Variants in GALNT11 observed in about 807,000 individuals in gnomAD.
GALNT11 encodes the protein polypeptide N-acetylgalactosaminyltransferase 11.
GALNT11 carries 47 observed loss-of-function variants against 72.7 expected under a neutral mutation model. That is an observed-to-expected ratio of 0.65 (90% CI 0.51 to 0.82). The LOEUF is 0.82. Among genes scored for constraint, GALNT11 ranks in the 40% least tolerant of loss-of-function variants. The pLI is 0.00. For missense variants in GALNT11, 677 were observed against 778.4 expected (o/e 0.87, Z 1.55); for synonymous variants, 270 against 286.6 (o/e 0.94, Z 0.58).
intron 11 of GALNT11, 59 bp from the exon 12 acceptor site, chr7:152,121,487 T>C: frequency 6.4e-7 from 1 of 1,574,466 alleles, no homozygotes; most frequent in Non-Finnish European, 8.6e-7. Flanking sequence ...ATCTCTCCTC[T>C]GGATTTCCAT....
chr7:152,060,482 T>TTA (rs1554421068), intron 1 of GALNT11, among the ~76,000 whole-genome samples: 8 of 151,938 alleles, frequency 5.3e-5, no homozygotes, highest in East Asian at 1.9e-4. Context: ...GTTTTTTTTT[T>TTA]TATATATATA....
At chr7:152,042,012 A>ATC (rs2082884283) in intron 1 of GALNT11, among the ~76,000 whole-genome samples, 1 of 152,238 alleles carries the variant, frequency 6.6e-6, no homozygotes, top group South Asian at 2.1e-4. Flanking sequence ...CACAAAGTAT[A>ATC]TCATGCATAT....
At chr7:152,105,724 A>T (rs181164798) in intron 5 of GALNT11, among the ~76,000 whole-genome samples, 1 of 152,384 alleles carries the variant, frequency 6.6e-6, no homozygotes, top group East Asian at 1.9e-4. Context: ...TACAAAATTT[A>T]AAATGTATGA....
chr7:152,110,413 C>T (rs1032692940), intron 6 of GALNT11, 115 bp from the exon 7 acceptor site: 7 of 791,382 alleles, frequency 8.8e-6, no homozygotes, highest in Non-Finnish European at 1.5e-5. Flanking sequence ...GATTCATAAT[C>T]ATTAATTCAA....
At chr7:152,039,882 G>C (rs2082768169) in intron 1 of GALNT11, among the ~76,000 whole-genome samples, 1 of 152,122 alleles carries the variant, frequency 6.6e-6, no homozygotes, top group Non-Finnish European at 1.5e-5. Context: ...GATTTCTGTA[G>C]ATGCTGTTCA....
intron 2 of GALNT11, among the ~76,000 whole-genome samples, chr7:152,095,249 C>G (rs1036187858): frequency 6.6e-6 from 1 of 151,934 alleles, no homozygotes; most frequent in Non-Finnish European, 1.5e-5. Context: ...ATTGTCTATG[C>G]CTTTGAATAC....
At chr7:152,085,106 C>T (rs962686865) in intron 1 of GALNT11, among the ~76,000 whole-genome samples, 2 of 152,202 alleles carry the variant, frequency 1.3e-5, no homozygotes, top group African/African-American at 4.8e-5. Context: ...TCCACATCCT[C>T]ACATCTCTGT....
At chr7:152,100,670 T>G in intron 2 of GALNT11, 128 bp from the exon 3 acceptor site, 2 of 1,191,966 alleles carry the variant, frequency 1.7e-6, no homozygotes, top group Non-Finnish European at 2.3e-6. Flanking sequence ...AGAGACAACC[T>G]AAGTTTGAGA....
At chr7:152,055,662 A>G (rs546895113) in intron 1 of GALNT11, among the ~76,000 whole-genome samples, 3 of 152,076 alleles carry the variant, frequency 2.0e-5, no homozygotes, top group Admixed American at 6.6e-5. Context: ...CTCAAAAACT[A>G]GAATTGGTGC....
Position 152,070,003 on chromosome 7 carries a change from C to CT in GALNT11, c.-38-24176dup, listed in dbSNP as rs71198756. 2.6e-3 allele frequency among the ~76,000 whole-genome samples: 367 copies of CT among 141,606 alleles called. 4 individuals carry two copies. The highest frequency in any genetic ancestry group is 6.7e-3 in the African/African-American group (255 of 38,056). 92.9% of individuals were successfully genotyped at this position (141,606 alleles called of 152,430 possible). On this transcript the variant is annotated intron_variant, in intron 1 of 11. Transcript: ENST00000430044. ...TTTTTTCTTTTTTCTTTTTCTTTTT[C>CT]TTTTTTTTTTTGAGACAGAGTCTCC...
chr7:152,118,566 TG>T (rs556166777), intron 9 of GALNT11, 111 bp from the exon 10 acceptor site: 90 of 825,938 alleles, frequency 1.1e-4, no homozygotes, highest in Non-Finnish European at 1.6e-4. Context: ...TTATGAGCCT[TG>T]GAATTCGTAC....
intron 1 of GALNT11, among the ~76,000 whole-genome samples, chr7:152,038,081 A>G (rs532562466): frequency 2.6e-5 from 4 of 152,148 alleles, no homozygotes; most frequent in Admixed American, 1.3e-4. Flanking sequence ...GTCTTCTTCA[A>G]TTTCTTTTAT....
chr7:152,121,605 G>A lies in GALNT11; in HGVS notation c.1755G>A (p.Leu585=), dbSNP rs1025154171. ...VGQCLRAVDP[L]GQKGSVAMAI... ...AGTGCCTGAGAGCAGTGGATCCCCT[G>A]GGTCAGAAGGGCTCTGTCGCCATGG... is the stretch of plus-strand genomic sequence containing the variant. The change falls in exon 12 of 12, where the codon CTG becomes CTA. Residue 585 remains leucine (L), a synonymous_variant. Coordinates refer to ENST00000430044, the MANE Select transcript of GALNT11 (RefSeq NM_022087.4). 58 of 1,614,088 alleles carry A rather than the reference G, an allele frequency of 3.6e-5. No homozygotes were observed. Among genetic ancestry groups the A allele is most frequent in the Non-Finnish European group, 4.3e-5 (51 of 1,180,040 alleles).
chr7:152,121,787 GACAGTTCCC>G lies in GALNT11; in HGVS notation c.*111_*119del. 7.2e-7 allele frequency: 1 copy of G among 1,386,270 alleles called. No homozygotes were observed. Among genetic ancestry groups the G allele is most frequent in the East Asian group, 2.3e-5 (1 of 42,954 alleles). The allele number at this position is 1,386,270 out of a possible 1,614,324, so 85.9% of individuals were successfully genotyped here. A position where few individuals can be genotyped will look rare whatever the true frequency, so the allele number is the denominator to read the frequency against. Reference sequence around the variant, plus strand: ...GGAGCAGAACCATCTTGGAGAAGATGACAGTTCCCTGTCCTCCCGGAGATGCCTGGGTGT... The same window carrying G: ...GGAGCAGAACCATCTTGGAGAAGATGTGTCCTCCCGGAGATGCCTGGGTGT... On this transcript the variant is annotated 3_prime_UTR_variant, in exon 12 of 12. Transcript: ENST00000430044.
chr7:152,026,338 A>G (rs1368975196), intron 1 of GALNT11, among the ~76,000 whole-genome samples: 2 of 152,260 alleles, frequency 1.3e-5, no homozygotes, highest in African/African-American at 2.4e-5. Context: ...GCCAAAGTCA[A>G]GCTGGGAGCT....
intron 1 of GALNT11, among the ~76,000 whole-genome samples, chr7:152,089,435 C>T (rs2085865308): frequency 6.6e-6 from 1 of 152,222 alleles, no homozygotes; most frequent in African/African-American, 2.4e-5. Context: ...GGCGAGAGCA[C>T]ATTCGAACAA....
intron 2 of GALNT11, among the ~76,000 whole-genome samples, chr7:152,098,457 A>G (rs982999462): frequency 1.3e-5 from 2 of 152,052 alleles, no homozygotes; most frequent in Non-Finnish European, 2.9e-5. Context: ...AATAAATTTA[A>G]AATTAAAAAC....
chr7:152,118,823 A>G (rs779101993), intron 10 of GALNT11, 41 bp downstream of exon 10: 2 of 1,540,276 alleles, frequency 1.3e-6, no homozygotes, highest in Non-Finnish European at 1.8e-6. Flanking sequence ...GTCCGCAAGG[A>G]GGCTTCCAGT....
chr7:152,055,648 A>T, intron 1 of GALNT11, among the ~76,000 whole-genome samples: 1 of 151,676 alleles, frequency 6.6e-6, no homozygotes, highest in Admixed American at 6.6e-5. Context: ...TAAATTAAAT[A>T]TTTCTCAAAA....
Sources: allele counts gnomAD v4.1 joint callset (sites outside exome capture counted in the v4.1 genomes callset), GRCh38; gene constraint gnomAD v4.1.1; transcripts MANE v1.5; gene names NCBI Gene and HGNC (gene_info 2026-07-23, HGNC 2026-07-21).